Variants in MYLK4 observed in about 807,000 individuals in gnomAD.
The protein encoded by MYLK4 is caMLCK like.
Under a neutral mutation model 48.1 loss-of-function variants are expected in MYLK4, and 46 were observed. The ratio of observed to expected loss-of-function variants is 0.96; its 90% CI spans 0.75 to 1.22. MYLK4 has a LOEUF of 1.22. Ranked by LOEUF, MYLK4 falls within the 50% of genes most tolerant of loss-of-function variation. The pLI is 0.00. For synonymous variants in MYLK4, 170 were observed against 180.8 expected (o/e 0.94, Z 0.48); for missense variants, 451 against 486.1 (o/e 0.93, Z 0.68).
upstream of MYLK4, among the ~76,000 whole-genome samples, chr6:2,751,412 AG>A (rs1764284767): frequency 6.6e-6 from 1 of 152,228 alleles, no homozygotes; most frequent in Non-Finnish European, 1.5e-5. Flanking sequence ...TTCTAGCTCT[AG>A]GGAAAGGTCA....
chr6:2,749,613 A>G (rs993429366), intron 1 of MYLK4, among the ~76,000 whole-genome samples: 2 of 152,254 alleles, frequency 1.3e-5, no homozygotes, highest in African/African-American at 4.8e-5. Flanking sequence ...AAAACTACAA[A>G]AGCAAACAGT....
chr6:2,692,652 G>C (rs987075525), intron 3 of MYLK4, 132 bp downstream of exon 3: 1 of 577,498 alleles, frequency 1.7e-6, no homozygotes, highest in Non-Finnish European at 2.7e-6. Flanking sequence ...AGGGGGGGGG[G>C]GGCATTTTTT....
the MYLK4 span, chr6:2,770,119 G>C: frequency 6.2e-7 from 1 of 1,614,154 alleles, no homozygotes; most frequent in Non-Finnish European, 8.5e-7. Context: ...CCCATGATTA[G>C]GACACTTTCC....
chr6:2,688,012 C>T (rs950430750), intron 4 of MYLK4, among the ~76,000 whole-genome samples: 5 of 152,056 alleles, frequency 3.3e-5, no homozygotes, highest in African/African-American at 4.8e-5. Flanking sequence ...CAGCAGGAAG[C>T]GGGTCCCTGA....
At position 2,747,793 on chromosome 6, in the gene MYLK4, T is replaced by C. The variant is rs146585811; in HGVS notation, c.159+1343A>G. On this transcript the variant is annotated intron_variant, in intron 2 of 12. Coordinates refer to ENST00000274643, the MANE Select transcript of MYLK4 (RefSeq NM_001012418.5). ...TTCAAAGTTCTCCAAGAAGAATATT[T>C]TGTCTTCTCTGTCCTACCGAAATTA... 6.6e-5 allele frequency among the ~76,000 whole-genome samples: 10 copies of C among 152,328 alleles called. No homozygotes were observed. In the East Asian group the frequency reaches 1.9e-3, roughly 29 times the overall value.
At chr6:2,741,167 T>C (rs1763887129) in intron 2 of MYLK4, among the ~76,000 whole-genome samples, 1 of 152,140 alleles carries the variant, frequency 6.6e-6, no homozygotes, top group Non-Finnish European at 1.5e-5. Context: ...GATAGTGGTG[T>C]GTGAAAAAAA....
At chr6:2,761,429 G>T in the MYLK4 span, among the ~76,000 whole-genome samples, 1 of 152,200 alleles carries the variant, frequency 6.6e-6, no homozygotes, top group South Asian at 2.1e-4. Context: ...AAGAGGAGGG[G>T]TGATTTTTGA....
chr6:2,689,360 T>A (rs1761685391), intron 3 of MYLK4, among the ~76,000 whole-genome samples: 1 of 152,262 alleles, frequency 6.6e-6, no homozygotes, highest in Non-Finnish European at 1.5e-5. Flanking sequence ...TTATTTTAAT[T>A]ATATCAGAGA....
At chr6:2,701,743 G>C (rs1361406584) in intron 2 of MYLK4, among the ~76,000 whole-genome samples, 2 of 152,202 alleles carry the variant, frequency 1.3e-5, no homozygotes, top group East Asian at 1.9e-4. Flanking sequence ...CATCTCCTGG[G>C]AACCTGCTAG....
chr6:2,770,342 A>G, the MYLK4 span: 6 of 1,614,178 alleles, frequency 3.7e-6, no homozygotes, highest in African/African-American at 1.3e-5. Flanking sequence ...TCTGAGCCAC[A>G]GCAGCAACAG....
intron 2 of MYLK4, among the ~76,000 whole-genome samples, chr6:2,705,488 T>A (rs915685937): frequency 1.3e-5 from 2 of 152,218 alleles, no homozygotes; most frequent in East Asian, 1.9e-4. Context: ...CTGGTCCCAG[T>A]CATCCATGGC....
chr6:2,685,982 G>C lies in MYLK4; in HGVS notation c.342-406C>G, dbSNP rs139564120. On this transcript the variant is annotated intron_variant, in intron 4 of 12. Coordinates refer to ENST00000274643, the MANE Select transcript of MYLK4 (RefSeq NM_001012418.5). This position sits in a 1 kb window ranked among gnomAD's most constrained non-coding sequence, Gnocchi z 4.5. ...ACTCGGGAGGCTGAGGCAGGAGAAC[G>C]GCGTGAACCCAGGAGGCGGAGGTTG... 2.0e-5 allele frequency among the ~76,000 whole-genome samples: 3 copies of C among 151,672 alleles called. No homozygotes were observed. In the East Asian group the frequency reaches 5.8e-4, roughly 29 times the overall value.
Position 2,664,959 on chromosome 6 carries a change from T to A in MYLK4, c.*2966A>T, listed in dbSNP as rs1029945106. 10 of 152,340 alleles carry A rather than the reference T, an allele frequency of 6.6e-5. No homozygotes were observed. The highest frequency in any genetic ancestry group is 2.2e-4 in the African/African-American group (9 of 41,586). The allele number at this position is 152,340 out of a possible 1,614,324, so 9.4% of individuals were successfully genotyped here. A position where few individuals can be genotyped will look rare whatever the true frequency, so the allele number is the denominator to read the frequency against. ...TCCAAATTACCAATGAGGCATGCCT[T>A]CTCCTTAATAACTTGCGAGGTTTAT... On this transcript the variant is annotated 3_prime_UTR_variant, in exon 13 of 13. Transcript: ENST00000274643.
Position 2,673,775 on chromosome 6 carries a change from C to A in MYLK4, c.1119+1272G>T, listed in dbSNP as rs1337868092. On this transcript the variant is annotated intron_variant, in intron 11 of 12. Transcript: ENST00000274643. The surrounding 1 kb of genome is among the most constrained non-coding windows in gnomAD (Gnocchi z 4.2). The stretch of plus-strand genomic sequence containing the variant: ...AGACAACATGAAGGAGGCAGAGAAG[C>A]CAGTTAGGAGGCTGCAGTCACTCAG... 1.3e-5 allele frequency among the ~76,000 whole-genome samples: 2 copies of A among 152,144 alleles called. No homozygotes were observed. Among genetic ancestry groups the A allele is most frequent in the Non-Finnish European group, 2.9e-5 (2 of 68,044 alleles).
At chr6:2,739,137 A>T (rs1440467150) in intron 2 of MYLK4, among the ~76,000 whole-genome samples, 1 of 152,170 alleles carries the variant, frequency 6.6e-6, no homozygotes, top group Non-Finnish European at 1.5e-5. Flanking sequence ...CAGTTTGCTC[A>T]CCTAAAAGGT....
intron 9 of MYLK4, among the ~76,000 whole-genome samples, chr6:2,678,970 G>C (rs1315636550): frequency 6.6e-6 from 1 of 152,120 alleles, no homozygotes; most frequent in African/African-American, 2.4e-5. Context: ...CCAAAGTGCT[G>C]GGATTACAGG....
At chr6:2,760,661 G>A in the MYLK4 span, among the ~76,000 whole-genome samples, 1 of 151,996 alleles carries the variant, frequency 6.6e-6, no homozygotes, top group Non-Finnish European at 1.5e-5. Context: ...TTTATACTAT[G>A]AATATCAATG....
At chr6:2,682,159 G>A (rs138226071) in intron 7 of MYLK4, among the ~76,000 whole-genome samples, 2 of 152,316 alleles carry the variant, frequency 1.3e-5, no homozygotes, top group East Asian at 1.9e-4. Flanking sequence ...GCAATCCCTA[G>A]TGAATGCAAT....
chr6:2,764,575 C>CAAG, the MYLK4 span, among the ~76,000 whole-genome samples: 1 of 151,648 alleles, frequency 6.6e-6, no homozygotes, highest in Non-Finnish European at 1.5e-5. Flanking sequence ...CAAAAAATAA[C>CAAG]ATGGTAATTC....
Sources: gnomAD v4.1 joint callset for allele counts (sites outside exome capture counted in the v4.1 genomes callset) on GRCh38, gnomAD v4.1.1 for gene constraint, Gnocchi (gnomAD v3.1) non-coding constraint, MANE v1.5 for transcripts, NCBI Gene and HGNC (gene_info 2026-07-23, HGNC 2026-07-21) for gene names.